ADD2: variants seen among roughly 807,000 people sequenced by gnomAD.
ADD2 encodes the protein beta-adducin.
Under a neutral mutation model 83.0 loss-of-function variants are expected in ADD2, and 23 were observed. The observed-to-expected ratio is 0.28, with a 90% confidence interval of 0.20 to 0.39. The LOEUF is 0.39. Among genes scored for constraint, ADD2 ranks in the 10% least tolerant of loss-of-function variants. The probability of loss-of-function intolerance (pLI) is 1.00; values close to 1 mark genes in which losing one functional copy is unlikely to be tolerated. For synonymous variants in ADD2, 375 were observed against 375.4 expected (o/e 1.00, Z 0.01); for missense variants, 758 against 944.9 (o/e 0.80, Z 2.59).
intron 15 of ADD2, among the ~76,000 whole-genome samples, chr2:70,671,953 C>T (rs1268180268): frequency 1.3e-5 from 2 of 152,078 alleles, no homozygotes; most frequent in African/African-American, 4.8e-5. Context: ...TGGAGTGATT[C>T]CAGGAGCTCA....
At chr2:70,701,735 G>A (rs376912815) in intron 4 of ADD2, among the ~76,000 whole-genome samples, 1 of 151,808 alleles carries the variant, frequency 6.6e-6, no homozygotes, top group African/African-American at 2.4e-5. Flanking sequence ...TCTTAAATGA[G>A]AACTATAACC....
chr2:70,708,635 G>A (rs532727487), intron 2 of ADD2, among the ~76,000 whole-genome samples: 3 of 152,088 alleles, frequency 2.0e-5, no homozygotes, highest in Non-Finnish European at 4.4e-5. Context: ...CCCTCCCCTC[G>A]TTCAAACCAC....
At chr2:70,675,354 A>C in intron 13 of ADD2, 1 of 986,318 alleles carries the variant, frequency 1.0e-6, no homozygotes, top group Non-Finnish European at 1.2e-6. Flanking sequence ...CCTGTTTCAC[A>C]CACAGTTGTA....
Position 70,678,684 on chromosome 2 carries a change from T to C in ADD2, c.1383+20A>G, listed in dbSNP as rs1553368885. ...CAGCCTGCCCCTCTCTGCCCGGGTC[T>C]GTCCTGGGCTCCCCCTTACCGTGGT... is the stretch of plus-strand genomic sequence containing the variant. On this transcript the variant is annotated intron_variant, in intron 11 of 15. Transcript: ENST00000264436. 1.3e-6 allele frequency: 2 copies of C among 1,521,210 alleles called. No homozygotes were observed. The highest frequency in any genetic ancestry group is 1.4e-5 in the African/African-American group (1 of 71,830). The allele number at this position is 1,521,210 out of a possible 1,614,324, so 94.2% of individuals were successfully genotyped here. A position where few individuals can be genotyped will look rare whatever the true frequency, so the allele number is the denominator to read the frequency against.
intron 9 of ADD2, among the ~76,000 whole-genome samples, chr2:70,685,926 G>C (rs991089897): frequency 2.0e-5 from 3 of 152,246 alleles, no homozygotes; most frequent in Non-Finnish European, 4.4e-5. Flanking sequence ...GCCTCTCTCA[G>C]CAGGGGATGA....
chr2:70,668,586 T>G (rs1669776179), intron 15 of ADD2, among the ~76,000 whole-genome samples: 2 of 152,242 alleles, frequency 1.3e-5, no homozygotes, highest in African/African-American at 4.8e-5. Flanking sequence ...AGTGACAACA[T>G]GTTCAAGCCA....
chr2:70,727,663 G>A (rs1221188291), intron 1 of ADD2, among the ~76,000 whole-genome samples: 4 of 152,100 alleles, frequency 2.6e-5, no homozygotes, highest in Non-Finnish European at 5.9e-5. Context: ...AGGAGGCTGA[G>A]GTGGGCAGAT....
chr2:70,679,622 A>G (rs1051174944), intron 10 of ADD2, among the ~76,000 whole-genome samples: 1 of 152,166 alleles, frequency 6.6e-6, no homozygotes, highest in Admixed American at 6.5e-5. Context: ...GTCTTCTTTT[A>G]TTTTTAAATT....
chr2:70,680,792 G>T (rs1244325048), intron 10 of ADD2, among the ~76,000 whole-genome samples: 4 of 152,122 alleles, frequency 2.6e-5, no homozygotes, highest in Non-Finnish European at 5.9e-5. Flanking sequence ...AAGTAGTTAA[G>T]ATACAAAAAC....
chr2:70,687,961 G>T (rs973240042), intron 9 of ADD2, 63 bp downstream of exon 9: 12 of 1,289,388 alleles, frequency 9.3e-6, no homozygotes, highest in Non-Finnish European at 1.3e-5. Flanking sequence ...GGGTCACCAC[G>T]TTTGCCCACA....
Position 70,678,687 on chromosome 2 carries a change from C to A in ADD2, c.1383+17G>T, listed in dbSNP as rs967264807. The A allele has an allele frequency of 1.3e-6, 2 of 1,541,206 alleles. No homozygotes were observed. The highest frequency in any genetic ancestry group is 2.7e-5 in the African/African-American group (2 of 72,762). On this transcript the variant is annotated intron_variant, in intron 11 of 15. Transcript: ENST00000264436. ...CCTGCCCCTCTCTGCCCGGGTCTGTCCTGGGCTCCCCCTTACCGTGGTCTT... is the reference window on the plus strand; with the variant it reads ...CCTGCCCCTCTCTGCCCGGGTCTGTACTGGGCTCCCCCTTACCGTGGTCTT...
chr2:70,692,277 T>C (rs1291031103), intron 7 of ADD2, 126 bp downstream of exon 7: 4 of 1,117,822 alleles, frequency 3.6e-6, no homozygotes, highest in East Asian at 5.7e-5. Flanking sequence ...GTTTCCACGT[T>C]GGGAGTTCTC....
intron 15 of ADD2, among the ~76,000 whole-genome samples, chr2:70,666,543 T>C (rs1675808327): frequency 6.6e-6 from 1 of 152,214 alleles, no homozygotes; most frequent in African/African-American, 2.4e-5. Flanking sequence ...CTTGGCGCTC[T>C]CCTCTAAGAT....
chr2:70,751,480 TG>T (rs1213144393), intron 1 of ADD2, among the ~76,000 whole-genome samples: 1 of 152,236 alleles, frequency 6.6e-6, no homozygotes, highest in African/African-American at 2.4e-5. Context: ...GAGATTCTTT[TG>T]GAGGGTTGTG....
intron 1 of ADD2, among the ~76,000 whole-genome samples, chr2:70,765,309 T>C (rs1675325794): frequency 6.6e-6 from 1 of 152,228 alleles, no homozygotes; most frequent in Non-Finnish European, 1.5e-5. Context: ...GCCGAGATCA[T>C]GCCACTGCGC....
chr2:70,753,426 G>A (rs1674614501), intron 1 of ADD2, among the ~76,000 whole-genome samples: 1 of 152,116 alleles, frequency 6.6e-6, no homozygotes, highest in African/African-American at 2.4e-5. Context: ...GAGGAGGGGG[G>A]AAGGAAGAAA....
intron 1 of ADD2, among the ~76,000 whole-genome samples, chr2:70,753,788 T>C (rs1407912552): frequency 6.6e-6 from 1 of 152,136 alleles, no homozygotes; most frequent in Admixed American, 6.5e-5. Flanking sequence ...TTTTTGAGAT[T>C]TTCAGCCATG....
chr2:70,747,398 A>G (rs553366272), intron 1 of ADD2, among the ~76,000 whole-genome samples: 4 of 149,734 alleles, frequency 2.7e-5, no homozygotes, highest in Admixed American at 6.6e-5. Context: ...ATCATGCCAC[A>G]TGCTCTCCCA....
At chr2:70,719,651 T>A (rs183465904) in intron 1 of ADD2, among the ~76,000 whole-genome samples, 60 of 152,290 alleles carry the variant, frequency 3.9e-4, no homozygotes, top group Middle Eastern at 3.4e-3. Flanking sequence ...ACTTGGAAAC[T>A]ATGCAGATAA....
Sources: allele counts gnomAD v4.1 joint callset (sites outside exome capture counted in the v4.1 genomes callset), GRCh38; gene constraint gnomAD v4.1.1; transcripts MANE v1.5; gene names NCBI Gene and HGNC (gene_info 2026-07-23, HGNC 2026-07-21).